ENTPD3: variants seen among roughly 807,000 people sequenced by gnomAD.
ENTPD3 encodes the protein CD39 antigen-like 3.
ENTPD3 carries 60 observed loss-of-function variants against 51.2 expected under a neutral mutation model. The observed-to-expected ratio is 1.17, with a 90% confidence interval of 0.95 to 1.45. The LOEUF (loss-of-function observed/expected upper bound fraction) is 1.45, where lower values mean the gene tolerates loss of function less well. ENTPD3 is among the 40% of genes most tolerant of loss of function. The probability of loss-of-function intolerance (pLI) is 0.00; values close to 1 mark genes in which losing one functional copy is unlikely to be tolerated. For synonymous variants in ENTPD3, 221 were observed against 238.4 expected (o/e 0.93, Z 0.67); for missense variants, 593 against 641.1 (o/e 0.93, Z 0.81).
chr3:40,417,528 A>G (rs554522953), intron 7 of ENTPD3, among the ~76,000 whole-genome samples: 15 of 152,058 alleles, frequency 9.9e-5, no homozygotes, highest in Admixed American at 5.9e-4. Flanking sequence ...CCATGCCCCA[A>G]TCACCTCCCA....
chr3:40,423,473 T>C, intron 9 of ENTPD3, 72 bp downstream of exon 9: 1 of 1,113,492 alleles, frequency 9.0e-7, no homozygotes, highest in Non-Finnish European at 1.3e-6. Context: ...TGTGTGTGTA[T>C]TCTGAATTTA....
chr3:40,410,879 T>C (rs1350472562), intron 4 of ENTPD3, among the ~76,000 whole-genome samples: 1 of 151,722 alleles, frequency 6.6e-6, no homozygotes, highest in African/African-American at 2.4e-5. Context: ...GGGTGATGGA[T>C]GAAGGAAGAA....
intron 5 of ENTPD3, among the ~76,000 whole-genome samples, chr3:40,412,905 T>C (rs1955666714): frequency 6.6e-6 from 1 of 152,260 alleles, no homozygotes; most frequent in Non-Finnish European, 1.5e-5. Context: ...CTGCTCACTC[T>C]TGGAATCTGC....
chr3:40,406,903 C>G (rs550646999), intron 4 of ENTPD3, among the ~76,000 whole-genome samples: 1 of 152,198 alleles, frequency 6.6e-6, no homozygotes, highest in East Asian at 1.9e-4. Context: ...TCAGTAGCAC[C>G]AAGGTTAAGA....
At chr3:40,405,675 CAGCTTAGAAGCCTGT>C (rs1320566160) in intron 4 of ENTPD3, among the ~76,000 whole-genome samples, 2 of 152,052 alleles carry the variant, frequency 1.3e-5, no homozygotes, top group Admixed American at 1.3e-4. Context: ...CAAGTCCAAG[CAGCTTAGAAGCCTGT>C]GAATCCTATC....
At chr3:40,387,968 C>T in intron 1 of ENTPD3, 78 bp from the exon 2 acceptor site, 1 of 1,256,986 alleles carries the variant, frequency 8.0e-7, no homozygotes. Flanking sequence ...TGGGTTTTGT[C>T]TTAACCTGGG....
Position 40,403,854 on chromosome 3 carries a change from GC to G in ENTPD3, c.286+2846del, listed in dbSNP as rs199583885. Among the ~76,000 whole-genome samples, 961 of 152,070 alleles carry G rather than the reference GC, an allele frequency of 6.3e-3. 3 individuals are homozygous for G. The highest frequency in any genetic ancestry group is 0.022 in the African/African-American group (908 of 41,480). On this transcript the variant is annotated intron_variant, in intron 4 of 10. Transcript: ENST00000301825. Reference sequence around the variant, plus strand: ...TGTAGAGATGGGGTCTCACTATGTTGCCCAGGCTGGTCTTGAACTTCTGGGC... The same window carrying G: ...TGTAGAGATGGGGTCTCACTATGTTGCCAGGCTGGTCTTGAACTTCTGGGC...
At chr3:40,424,034 T>C (rs1201754574) in intron 10 of ENTPD3, 71 bp downstream of exon 10, 5 of 1,604,584 alleles carry the variant, frequency 3.1e-6, no homozygotes, top group African/African-American at 1.3e-5. Context: ...GTGGAACAAA[T>C]GTAGAAGGTA....
At chr3:40,420,321 T>C (rs1221525443) in intron 7 of ENTPD3, among the ~76,000 whole-genome samples, 1 of 151,646 alleles carries the variant, frequency 6.6e-6, no homozygotes, top group East Asian at 1.9e-4. Flanking sequence ...CTGCAAGCTC[T>C]GCCTCTCGGG....
At chr3:40,388,136 A>G in intron 2 of ENTPD3, 39 bp downstream of exon 2, 1 of 1,602,522 alleles carries the variant, frequency 6.2e-7, no homozygotes. Context: ...TGGTTTTGCC[A>G]AATCGCAAGA....
intron 3 of ENTPD3, among the ~76,000 whole-genome samples, chr3:40,392,899 G>T (rs1575207458): frequency 6.6e-6 from 1 of 151,746 alleles, no homozygotes; most frequent in Admixed American, 6.6e-5. Context: ...ACTTGAGAAG[G>T]TCTCCTTGAG....
chr3:40,426,817 T>C (rs1955994580), intron 10 of ENTPD3, among the ~76,000 whole-genome samples: 1 of 152,188 alleles, frequency 6.6e-6, no homozygotes, highest in African/African-American at 2.4e-5. Context: ...TTTATACACC[T>C]AATAAAACAC....
At chr3:40,408,407 A>C (rs151274739) in intron 4 of ENTPD3, among the ~76,000 whole-genome samples, 285 of 152,350 alleles carry the variant, frequency 1.9e-3, no homozygotes, top group African/African-American at 6.5e-3. Context: ...TGGAAAAAAG[A>C]AAGCATATAA....
intron 3 of ENTPD3, 24 bp from the exon 4 acceptor site, chr3:40,400,870 C>T: frequency 6.3e-7 from 1 of 1,589,932 alleles, no homozygotes; most frequent in African/African-American, 1.3e-5. Context: ...CCCATTCTGA[C>T]TCTCCCTTTC....
Position 40,423,468 on chromosome 3 carries a change from G to A in ENTPD3, c.1215+67G>A, listed in dbSNP as rs548929248. The stretch of plus-strand genomic sequence containing the variant: ...ATATGGTAGAATCTATTCTATGTGT[G>A]TGTATTCTGAATTTAGCCTTTATGC... On this transcript the variant is annotated intron_variant, in intron 9 of 10. Coordinates refer to ENST00000301825, the MANE Select transcript of ENTPD3 (RefSeq NM_001248.4). 5.1e-4 allele frequency: 584 copies of A among 1,141,288 alleles called. 9 individuals are homozygous for A. The South Asian group carries it at 7.1e-3, about 14-fold the overall frequency. 70.7% of individuals were successfully genotyped at this position (1,141,288 alleles called of 1,614,324 possible).
chr3:40,388,577 CACACACAG>C (rs374994787), intron 2 of ENTPD3, among the ~76,000 whole-genome samples: 2,299 of 66,026 alleles, frequency 0.035, 38 homozygotes, highest in Middle Eastern at 0.067. Flanking sequence ...GGAAGGCACA[CACACACAG>C]ACACACACAC....
Position 40,428,651 on chromosome 3 carries a change from T to A in ENTPD3, c.*1143T>A, listed in dbSNP as rs949438755. ...AGGGGTGTGTGTGTGTTAACTTCCA[T>A]ATGGTACTCTTTCTCCTAAGGACCC... On this transcript the variant is annotated 3_prime_UTR_variant, in exon 11 of 11. Transcript: ENST00000301825. 5 of 152,200 alleles carry A rather than the reference T, an allele frequency of 3.3e-5. No homozygotes were observed. The highest frequency in any genetic ancestry group is 9.7e-5 in the African/African-American group (4 of 41,450). 9.4% of individuals were successfully genotyped at this position (152,200 alleles called of 1,614,324 possible).
chr3:40,394,026 G>A (rs1955129319), intron 3 of ENTPD3, among the ~76,000 whole-genome samples: 2 of 132,176 alleles, frequency 1.5e-5, no homozygotes, highest in South Asian at 4.9e-4. Context: ...TCCAGCCTGG[G>A]CAACAGAGCG....
At chr3:40,392,342 A>C in intron 3 of ENTPD3, 192 bp downstream of exon 3, 1 of 627,310 alleles carries the variant, frequency 1.6e-6, no homozygotes, top group Admixed American at 3.1e-5. Context: ...GAGGCTACAA[A>C]TTGAGGGTAG....
Sources: allele counts gnomAD v4.1 joint callset (sites outside exome capture counted in the v4.1 genomes callset), GRCh38; gene constraint gnomAD v4.1.1; transcripts MANE v1.5; gene names NCBI Gene and HGNC (gene_info 2026-07-23, HGNC 2026-07-21).